CDC73: variants seen among roughly 807,000 people sequenced by gnomAD.
CDC73 encodes parafibromin.
CDC73 carries 21 observed loss-of-function variants against 83.7 expected under a neutral mutation model. The observed-to-expected ratio is 0.25, with a 90% CI of 0.18 to 0.36. The LOEUF (loss-of-function observed/expected upper bound fraction) is 0.36. CDC73 is among the 10% of genes least tolerant of loss of function. The probability of loss-of-function intolerance (pLI) is 1.00; values close to 1 mark genes in which losing one functional copy is unlikely to be tolerated. For synonymous variants in CDC73, 224 were observed against 212.9 expected (o/e 1.05, Z -0.45); for missense variants, 342 against 653.3 (o/e 0.52, Z 5.19).
chr1:193,199,439 C>T (rs770349074), intron 10 of CDC73, among the ~76,000 whole-genome samples: 19 of 152,028 alleles, frequency 1.2e-4, no homozygotes, highest in Non-Finnish European at 2.2e-4. Flanking sequence ...AGGCCGGGCA[C>T]GATGGCTCAT....
At chr1:193,181,751 G>A in intron 10 of CDC73, 1 of 524,112 alleles carries the variant, frequency 1.9e-6, no homozygotes, top group South Asian at 3.8e-5. Flanking sequence ...TATGATCAGG[G>A]CAAATAGGAA....
intron 10 of CDC73, among the ~76,000 whole-genome samples, chr1:193,176,151 C>T (rs530023672): frequency 6.6e-6 from 1 of 152,266 alleles, no homozygotes; most frequent in Non-Finnish European, 1.5e-5. Context: ...GCTCAGACAA[C>T]ATTTTGCATT....
intron 13 of CDC73, among the ~76,000 whole-genome samples, chr1:193,216,268 C>A (rs941951514): frequency 6.6e-6 from 1 of 152,152 alleles, no homozygotes. Context: ...GACATTACCA[C>A]CAACTCCACA....
In CDC73 at chr1:193,253,945, T is replaced by A. The variant is rs1328395218; in HGVS notation, c.*3233T>A. The A allele has an allele frequency of 4.5e-6, 1 of 222,790 alleles. No individual in the cohort carries two copies. The highest frequency in any genetic ancestry group is 6.6e-5 in the East Asian group (1 of 15,074). 13.8% of individuals were successfully genotyped at this position (222,790 alleles called of 1,614,324 possible). ...TCTTTTTTGGAGGGGTGGGGAGGAA[T>A]ATTTGTTGAACTAAAGTATATAAAA... is the stretch of plus-strand genomic sequence containing the variant. On this transcript the variant is annotated 3_prime_UTR_variant, in exon 17 of 17. Transcript: ENST00000367435.
chr1:193,220,242 C>T (rs778169648), intron 13 of CDC73, among the ~76,000 whole-genome samples: 3 of 144,908 alleles, frequency 2.1e-5, no homozygotes, highest in Non-Finnish European at 3.0e-5. Context: ...TCTTGGCTCA[C>T]TGTAACCTCC....
In CDC73 at chr1:193,123,606, C is replaced by G. The variant is rs75238276; in HGVS notation, c.131+1275C>G. Among the ~76,000 whole-genome samples the G allele has an allele frequency of 1.2e-3, 189 of 152,004 alleles. 1 individual carries two copies. The East Asian group carries it at 0.035, about 28-fold the overall frequency. On this transcript the variant is annotated intron_variant, in intron 1 of 16. Transcript: ENST00000367435. The stretch of plus-strand genomic sequence containing the variant: ...GTTGATCAAATGACATTCTGAGTTT[C>G]TGGTATTTTACCCTTTCGAATAATT...
chr1:193,232,902 C>CAA (rs201897186), intron 13 of CDC73, 91 bp from the exon 14 acceptor site: 181 of 972,368 alleles, frequency 1.9e-4, no homozygotes, highest in Admixed American at 3.0e-4. Context: ...AACTCTGTCT[C>CAA]AAAAAAAAAA....
At chr1:193,147,736 TATA>T (rs1276018710) in intron 7 of CDC73, 128 bp from the exon 8 acceptor site, 9 of 682,110 alleles carry the variant, frequency 1.3e-5, no homozygotes, top group Non-Finnish European at 2.1e-5. Flanking sequence ...TACATATGTG[TATA>T]ATAATGATAC....
Position 193,250,857 on chromosome 1 carries a change from A to G in CDC73, c.*145A>G. The G allele has an allele frequency of 1.4e-6, 1 of 712,254 alleles. No homozygotes were observed. Among genetic ancestry groups the G allele is most frequent in the South Asian group, 1.8e-5 (1 of 54,968 alleles). 44.1% of individuals were successfully genotyped at this position (712,254 alleles called of 1,614,324 possible). On this transcript the variant is annotated 3_prime_UTR_variant, in exon 17 of 17. Coordinates refer to ENST00000367435, the MANE Select transcript of CDC73 (RefSeq NM_024529.5). ...TTCAAGGAGATGATACCTGTCATCC[A>G]TATAAGCAAACTTTTTGGCTTACAA... is the stretch of plus-strand genomic sequence containing the variant.
intron 10 of CDC73, among the ~76,000 whole-genome samples, chr1:193,173,258 A>G (rs573660935): frequency 2.0e-5 from 3 of 152,326 alleles, no homozygotes; most frequent in Admixed American, 6.5e-5. Flanking sequence ...CTTAATTATA[A>G]AACATTTCTA....
chr1:193,186,003 C>G (rs1189122528), intron 10 of CDC73: 1 of 152,272 alleles, frequency 6.6e-6, no homozygotes, highest in Admixed American at 6.5e-5. Context: ...CTATCATACA[C>G]AAGATATTGA....
chr1:193,122,484 A>C (rs914645255), intron 1 of CDC73, 153 bp downstream of exon 1: 1 of 977,320 alleles, frequency 1.0e-6, no homozygotes, highest in Non-Finnish European at 1.6e-6. Context: ...CAGAAGTTGC[A>C]CTTTTAGGGT....
intron 10 of CDC73, among the ~76,000 whole-genome samples, chr1:193,168,951 T>C (rs187354408): frequency 6.6e-6 from 1 of 152,360 alleles, no homozygotes; most frequent in East Asian, 1.9e-4. Context: ...AATAATACTT[T>C]TGATTATCTA....
chr1:193,231,324 A>G (rs74130937), intron 13 of CDC73, among the ~76,000 whole-genome samples: 6,310 of 152,248 alleles, frequency 0.041, 415 homozygotes, highest in African/African-American at 0.14. Flanking sequence ...AAAACAAAGC[A>G]TTTCTCTTGG....
intron 11 of CDC73, among the ~76,000 whole-genome samples, chr1:193,210,668 A>G (rs1044170707): frequency 1.3e-5 from 2 of 152,056 alleles, no homozygotes. Flanking sequence ...GTGGGAGGAT[A>G]GCTTGAGCTC....
intron 11 of CDC73, 44 bp downstream of exon 11, chr1:193,203,896 G>GT (rs763059632): frequency 1.3e-5 from 20 of 1,526,762 alleles, no homozygotes; most frequent in Non-Finnish European, 1.7e-5. Flanking sequence ...TCAAAAGATC[G>GT]TAACAGTGCA....
chr1:193,243,245 CTTG>C (rs1677893891), intron 15 of CDC73, among the ~76,000 whole-genome samples: 1 of 151,104 alleles, frequency 6.6e-6, no homozygotes, highest in Non-Finnish European at 1.5e-5. Context: ...CAGCTTACTT[CTTG>C]TTTTTAACTT....
At chr1:193,160,366 T>C (rs1401647488) in intron 10 of CDC73, among the ~76,000 whole-genome samples, 1 of 152,090 alleles carries the variant, frequency 6.6e-6, no homozygotes, top group East Asian at 1.9e-4. Flanking sequence ...TGCTGTAATA[T>C]TGATCGTTGT....
chr1:193,174,217 A>G (rs1030838309), intron 10 of CDC73, among the ~76,000 whole-genome samples: 1 of 151,630 alleles, frequency 6.6e-6, no homozygotes, highest in Non-Finnish European at 1.5e-5. Context: ...TTCTCCTTCC[A>G]GTTGTTTGTC....
Sources: allele counts gnomAD v4.1 joint callset (sites outside exome capture counted in the v4.1 genomes callset), GRCh38; gene constraint gnomAD v4.1.1; transcripts MANE v1.5; gene names NCBI Gene and HGNC (gene_info 2026-07-23, HGNC 2026-07-21).